PRRC2C: variants seen among roughly 807,000 people sequenced by gnomAD.
The protein encoded by PRRC2C is proline rich coiled-coil 2C, also known as protein PRRC2C.
A neutral mutation model predicts 317.2 loss-of-function variants in PRRC2C; 72 were observed. That is an observed-to-expected ratio of 0.23 (90% CI 0.19 to 0.28). The LOEUF (loss-of-function observed/expected upper bound fraction) is 0.28. PRRC2C is among the 10% of genes least tolerant of loss of function. PRRC2C has a pLI of 1.00. For synonymous variants in PRRC2C, 1,296 were observed against 1,205.9 expected, an observed-to-expected ratio of 1.07 and a Z score of -1.55; for missense variants, 3,074 against 3,459.7, an observed-to-expected ratio of 0.89 and a Z score of 2.80.
At chr1:171,525,780 A>G (rs1009731181) in intron 10 of PRRC2C, among the ~76,000 whole-genome samples, 1 of 152,230 alleles carries the variant, frequency 6.6e-6, no homozygotes, top group East Asian at 1.9e-4. Flanking sequence ...TGATTTAGGC[A>G]GTATAGAAAG....
intron 5 of PRRC2C, among the ~76,000 whole-genome samples, chr1:171,517,370 C>T (rs1347302184): frequency 2.0e-5 from 3 of 152,002 alleles, no homozygotes; most frequent in Non-Finnish European, 2.9e-5. Flanking sequence ...CTTCTCCCAC[C>T]CCAGTATTTG....
chr1:171,589,980 TTTC>T (rs1375535919), intron 34 of PRRC2C, among the ~76,000 whole-genome samples: 22 of 102,166 alleles, frequency 2.2e-4, no homozygotes, highest in Admixed American at 2.1e-3. Flanking sequence ...CCCCATTTTC[TTTC>T]TTTTTTTTTT....
Position 171,557,614 on chromosome 1 carries a change from A to T in PRRC2C, c.5502A>T (p.Ser1834=), listed in dbSNP as rs1410339937. ...STSAAAITSS[S]APASAPAPTP... is the part of the protein sequence containing the mutation. ...CAGCTGCAGCTATAACCTCTTCTTC[A>T]GCTCCAGCCTCAGCCCCAGCTCCAA... Residue 1834 remains serine, a synonymous_variant, in exon 19 of 35, where the codon TCA becomes TCT. Transcript: ENST00000647382. 3.9e-6 allele frequency: 6 copies of T among 1,551,502 alleles called. No homozygotes were observed. Among genetic ancestry groups the T allele is most frequent in the Non-Finnish European group, 5.2e-6 (6 of 1,147,004 alleles).
rs1048691730 is a variant in PRRC2C at position 171,593,046 on chromosome 1, C to T, written c.*1199C>T. ...AATGTTTTCTTTCCAGATGATGATT[C>T]AGAAGCTAATTTTAAAAAACGGTGC... On this transcript the variant is annotated 3_prime_UTR_variant, in exon 35 of 35. Transcript: ENST00000647382. The T allele has an allele frequency of 6.6e-6, 1 of 151,888 alleles. No individual in the cohort carries two copies. The highest frequency in any genetic ancestry group is 1.5e-5 in the Non-Finnish European group (1 of 67,956). 9.4% of individuals were successfully genotyped at this position (151,888 alleles called of 1,614,324 possible). A position where few individuals can be genotyped will look rare whatever the true frequency, so the allele number is the denominator to read the frequency against.
Position 171,515,879 on chromosome 1 carries a change from A to T in PRRC2C, c.526+20A>T, listed in dbSNP as rs766550838. ...CACCAAGTAAGAGTACTTTCTCTTT[A>T]ATACAAAATGAGATCATATTTGTGT... On this transcript the variant is annotated intron_variant, in intron 5 of 34. Transcript: ENST00000647382. 5 of 1,571,944 alleles carry T rather than the reference A, an allele frequency of 3.2e-6. No individual in the cohort carries two copies. The East Asian group carries it at 1.1e-4, about 35-fold the overall frequency.
rs770318161 is a variant in PRRC2C, at chr1:171,514,532, T to A, written c.291-4T>A. On this transcript the variant is annotated splice_region_variant and splice_polypyrimidine_tract_variant and intron_variant, in intron 3 of 34. Coordinates refer to ENST00000647382, the MANE Select transcript of PRRC2C (RefSeq NM_001387844.1). ...GAAATAATGGATTCATATTTTTTTT[T>A]AAGAACACCAGAAGTGCCACCAGCA... 13 of 1,548,668 alleles carry A rather than the reference T, an allele frequency of 8.4e-6. No homozygotes were observed. Among genetic ancestry groups the A allele is most frequent in the Non-Finnish European group, 1.1e-5 (13 of 1,145,324 alleles).
chr1:171,497,590 G>A (rs1350165800), intron 1 of PRRC2C, among the ~76,000 whole-genome samples: 1 of 151,806 alleles, frequency 6.6e-6, no homozygotes, highest in Non-Finnish European at 1.5e-5. Context: ...TTCTGTCTCA[G>A]TCTCCTGAGC....
At chr1:171,584,370 T>G (rs1304187156) in intron 29 of PRRC2C, 49 bp from the exon 30 acceptor site, 1 of 1,483,154 alleles carries the variant, frequency 6.7e-7, no homozygotes, top group African/African-American at 1.4e-5. Flanking sequence ...CCTCTGAATT[T>G]GAAATTTTTT....
At chr1:171,550,380 T>A in intron 18 of PRRC2C, 140 bp downstream of exon 18, 1 of 707,638 alleles carries the variant, frequency 1.4e-6, no homozygotes, top group Non-Finnish European at 2.1e-6. Context: ...TCCCAACTTT[T>A]AATCATTTTG....
chr1:171,551,459 A>C (rs148087942), intron 18 of PRRC2C, among the ~76,000 whole-genome samples: 5,502 of 152,180 alleles, frequency 0.036, 123 homozygotes, highest in Non-Finnish European at 0.047. Flanking sequence ...GAAGCTCTTT[A>C]GTTTAATTAG....
Position 171,541,839 on chromosome 1 carries a change from C to T in PRRC2C, c.4373C>T (p.Pro1458Leu). ...AAATCAAATGAGGTGGTAGCAGTGC[C>T]CACAAATGGCACAGTTAATAATGTG... ...ASKSNEVVAV[P>L]TNGTVNNVAQ... Residue 1458 changes from proline (P) to leucine (L), a missense_variant, in exon 16 of 35, where the codon CCC becomes CTC. Transcript: ENST00000647382. The surrounding 1 kb of genome is among the most constrained non-coding windows in gnomAD (Gnocchi z 4.1). The T allele has an allele frequency of 6.2e-7, 1 of 1,613,746 alleles. No individual in the cohort carries two copies. The highest frequency in any genetic ancestry group is 1.1e-5 in the South Asian group (1 of 91,080).
chr1:171,520,137 A>G (rs1673277520), intron 6 of PRRC2C, among the ~76,000 whole-genome samples: 2 of 152,062 alleles, frequency 1.3e-5, no homozygotes, highest in Admixed American at 1.3e-4. Context: ...TAATTCTTGT[A>G]TTTTTAGTAG....
In PRRC2C at chr1:171,557,326, G is replaced by A; in HGVS notation, c.5214G>A (p.Gly1738=). 6.4e-7 allele frequency: 1 copy of A among 1,551,970 alleles called. No individual in the cohort carries two copies. The highest frequency in any genetic ancestry group is 8.7e-7 in the Non-Finnish European group (1 of 1,147,044). Residue 1738 remains glycine, a synonymous_variant, in exon 19 of 35, where the codon GGG becomes GGA. Coordinates refer to ENST00000647382, the MANE Select transcript of PRRC2C (RefSeq NM_001387844.1). ...GATTTGCCAAAAAACAGGCTACAGG[G>A]ATCCAGCAAGCACAGTCTTCAGCCT... ...PPRFAKKQAT[G]IQQAQSSASV...
chr1:171,513,486 C>T (rs777715842), intron 3 of PRRC2C: 23 of 482,570 alleles, frequency 4.8e-5, no homozygotes, highest in East Asian at 1.2e-4. Context: ...GAGTTGACTC[C>T]GATACCTAAA....
intron 15 of PRRC2C, 42 bp from the exon 16 acceptor site, chr1:171,539,929 G>C: frequency 6.7e-7 from 1 of 1,494,442 alleles, no homozygotes; most frequent in Non-Finnish European, 9.1e-7. Context: ...GCATGGGAAA[G>C]ATTGCTTTGT....
chr1:171,526,805 CTTTTTTTT>C (rs938229816), intron 10 of PRRC2C, among the ~76,000 whole-genome samples: 2 of 90,208 alleles, frequency 2.2e-5, no homozygotes, highest in Admixed American at 1.3e-4. Flanking sequence ...AGAAATATAT[CTTTTTTTT>C]TTTTTTTTTT....
At chr1:171,576,621 G>C (rs946708679) in intron 25 of PRRC2C, among the ~76,000 whole-genome samples, 1 of 151,992 alleles carries the variant, frequency 6.6e-6, no homozygotes, top group African/African-American at 2.4e-5. Context: ...TGTTTTAAAG[G>C]TATTACTATA....
intron 1 of PRRC2C, among the ~76,000 whole-genome samples, chr1:171,494,806 T>G (rs1667825531): frequency 6.6e-6 from 1 of 151,962 alleles, no homozygotes; most frequent in African/African-American, 2.4e-5. Flanking sequence ...GAAACAGATT[T>G]CTCTTTGTAA....
intron 25 of PRRC2C, among the ~76,000 whole-genome samples, chr1:171,576,337 A>G (rs1216514689): frequency 6.6e-6 from 1 of 152,174 alleles, no homozygotes. Context: ...ACTGTGCTTG[A>G]CTAGGATAAT....
Sources: allele counts gnomAD v4.1 joint callset (sites outside exome capture counted in the v4.1 genomes callset), GRCh38; gene constraint gnomAD v4.1.1; non-coding constraint Gnocchi (gnomAD v3.1); transcripts MANE v1.5; gene names NCBI Gene and HGNC (gene_info 2026-07-23, HGNC 2026-07-21).